Variants in OPRM1 observed in about 807,000 individuals in gnomAD.
OPRM1 encodes opioid receptor mu 1, also known as mu-type opioid receptor.
OPRM1 carries 27 observed loss-of-function variants against 31.8 expected under a neutral mutation model. The observed-to-expected ratio is 0.85, with a 90% CI of 0.63 to 1.17. The LOEUF is 1.17. Ranked by LOEUF, OPRM1 falls within the 50% of genes most tolerant of loss-of-function variation. The pLI is 0.00. For missense variants in OPRM1, 536 were observed against 511.1 expected (o/e 1.05, Z -0.47); for synonymous variants, 196 against 189.9 (o/e 1.03, Z -0.26).
chr6:154,046,990 A>G (rs1010211970), intron 1 of OPRM1, among the ~76,000 whole-genome samples: 9 of 152,216 alleles, frequency 5.9e-5, no homozygotes, highest in Non-Finnish European at 1.5e-5. Flanking sequence ...TTTGGATTCT[A>G]TATAAGCTCA....
At chr6:154,098,140 A>G (rs956903492) in intron 3 of OPRM1, among the ~76,000 whole-genome samples, 1 of 152,234 alleles carries the variant, frequency 6.6e-6, no homozygotes, top group African/African-American at 2.4e-5. Context: ...GTTAAATTCC[A>G]TCTTATAACC....
At position 154,125,202 on chromosome 6, in the gene OPRM1, C is replaced by T. The variant is rs541647317; in HGVS notation, c.*6481C>T. On this transcript the variant is annotated 3_prime_UTR_variant, in exon 4 of 4. Transcript: ENST00000330432. ...TTTTCAGATGATATATCTTCATTTT[C>T]GATTTTGAAAGAACAGTAATACTAA... Among the ~76,000 whole-genome samples, 29 of 152,246 alleles carry T rather than the reference C, an allele frequency of 1.9e-4. No individual in the cohort carries two copies. The highest frequency in any genetic ancestry group is 1.3e-3 in the Admixed American group (20 of 15,286).
chr6:154,186,090 C>T (rs1311009768), intron 3 of OPRM1, among the ~76,000 whole-genome samples: 4 of 152,176 alleles, frequency 2.6e-5, no homozygotes, highest in African/African-American at 9.7e-5. Context: ...TCTCAATTAG[C>T]CACAATTCTT....
intron 3 of OPRM1, among the ~76,000 whole-genome samples, chr6:154,199,096 A>T (rs1776868376): frequency 6.6e-6 from 1 of 152,228 alleles, no homozygotes; most frequent in South Asian, 2.1e-4. Context: ...CTTTGTTAAG[A>T]CTTAAAATGT....
chr6:154,146,764 A>G (rs2128539942), intron 3 of OPRM1, among the ~76,000 whole-genome samples: 1 of 152,280 alleles, frequency 6.6e-6, no homozygotes, highest in Non-Finnish European at 1.5e-5. Context: ...AGGGCACCCC[A>G]CATGGAAGAG....
intron 3 of OPRM1, chr6:154,216,869 A>G (rs1778439386): frequency 6.5e-6 from 1 of 152,972 alleles, no homozygotes; most frequent in African/African-American, 2.4e-5. Context: ...CTCTGTCTCA[A>G]AAAAAACAAA....
At chr6:154,157,978 C>T (rs982765494) in intron 3 of OPRM1, 2 of 152,270 alleles carry the variant, frequency 1.3e-5, no homozygotes, top group Non-Finnish European at 2.9e-5. Context: ...GAAGTACCCA[C>T]ATGTTTGCTG....
chr6:154,196,954 TTC>T (rs1201829213), intron 3 of OPRM1, among the ~76,000 whole-genome samples: 3 of 152,216 alleles, frequency 2.0e-5, no homozygotes, highest in Admixed American at 1.3e-4. Flanking sequence ...GCAAAAATAT[TTC>T]TTTCATTGTC....
In OPRM1 at chr6:154,039,775, C is replaced by G; in HGVS notation, c.231C>G (p.Tyr77Ter). The change falls in exon 1 of 4, where the codon TAC becomes TAG. Residue 77 changes from tyrosine (Y) to a stop codon, truncating the protein, a stop_gained. Transcript: ENST00000330432. LOFTEE classifies it high-confidence loss of function. ...CGGCCATCACGATCATGGCCCTCTA[C>G]TCCATCGTGTGCGTGGTGGGGCTCT... ...MITAITIMAL[Y>*]SIVCVVGLFG... is the part of the protein sequence containing the mutation. 3.7e-6 allele frequency: 6 copies of G among 1,603,340 alleles called. No individual in the cohort carries two copies. Among genetic ancestry groups the G allele is most frequent in the Non-Finnish European group, 5.1e-6 (6 of 1,179,538 alleles).
intron 1 of OPRM1, among the ~76,000 whole-genome samples, chr6:154,058,405 C>G (rs1055571407): frequency 6.6e-6 from 1 of 151,980 alleles, no homozygotes; most frequent in African/African-American, 2.4e-5. Context: ...TTTAGCTGAC[C>G]AAAACATTTT....
intron 1 of OPRM1, among the ~76,000 whole-genome samples, chr6:154,045,203 C>T (rs1293282067): frequency 1.3e-5 from 2 of 151,596 alleles, no homozygotes; most frequent in Non-Finnish European, 2.9e-5. Flanking sequence ...CCAGCCTGTG[C>T]AACACAGTGG....
chr6:154,199,889 G>C, intron 3 of OPRM1: 1 of 1,614,182 alleles, frequency 6.2e-7, no homozygotes, highest in Non-Finnish European at 8.5e-7. Flanking sequence ...TTCAGCAGCA[G>C]ACAAACTGTT....
chr6:154,064,130 C>G (rs1784907863), intron 1 of OPRM1, among the ~76,000 whole-genome samples: 3 of 152,062 alleles, frequency 2.0e-5, no homozygotes, highest in Admixed American at 2.0e-4. Flanking sequence ...ATATCCCCAC[C>G]AACACTTGTT....
At chr6:154,211,323 G>A (rs768801491) in intron 3 of OPRM1, among the ~76,000 whole-genome samples, 16 of 151,910 alleles carry the variant, frequency 1.1e-4, no homozygotes, top group Non-Finnish European at 1.5e-4. Flanking sequence ...GCAGGAGAAT[G>A]GTGTGAACCT....
chr6:154,239,704 G>A (rs2128634744), intron 3 of OPRM1, among the ~76,000 whole-genome samples: 1 of 132,968 alleles, frequency 7.5e-6, no homozygotes, highest in Admixed American at 7.2e-5. Context: ...TGTCTTCACT[G>A]AAGAAACTTT....
At chr6:154,243,546 C>T (rs1202719701) in intron 3 of OPRM1, among the ~76,000 whole-genome samples, 2 of 152,190 alleles carry the variant, frequency 1.3e-5, no homozygotes. Flanking sequence ...CAGGCAGTGT[C>T]AGGCAATGAC....
In OPRM1 at chr6:154,127,991, A is replaced by G. The variant is rs958056504; in HGVS notation, c.*9270A>G. 3.3e-5 allele frequency among the ~76,000 whole-genome samples: 5 copies of G among 152,224 alleles called. No individual in the cohort carries two copies. The highest frequency in any genetic ancestry group is 7.2e-5 in the African/African-American group (3 of 41,462). On this transcript the variant is annotated 3_prime_UTR_variant, in exon 4 of 4. Transcript: ENST00000330432. ...CATGGCCCTTATTTCTCAAGGGACC[A>G]GAGAAAACCAATAGGCCTACTCCCC... is the stretch of plus-strand genomic sequence containing the variant.
intron 3 of OPRM1, among the ~76,000 whole-genome samples, chr6:154,095,298 A>G (rs1034799729): frequency 6.6e-6 from 1 of 152,176 alleles, no homozygotes; most frequent in Non-Finnish European, 1.5e-5. Flanking sequence ...TCTCAAAAGA[A>G]AGAAAGAAAA....
At chr6:154,229,346 G>GTTTTTT (rs34462600) in intron 3 of OPRM1, among the ~76,000 whole-genome samples, 1 of 112,680 alleles carries the variant, frequency 8.9e-6, no homozygotes, top group Non-Finnish European at 1.8e-5. Flanking sequence ...AAGTTTGCCG[G>GTTTTTT]TTTTTTTTTT....
Sources: allele counts gnomAD v4.1 joint callset (sites outside exome capture counted in the v4.1 genomes callset), GRCh38; gene constraint gnomAD v4.1.1; transcripts MANE v1.5; gene names NCBI Gene and HGNC (gene_info 2026-07-23, HGNC 2026-07-21).